The following CTNNA3 variants were observed in gnomAD, a reference collection of about 807,000 sequenced individuals.
CTNNA3 encodes the protein catenin alpha-3.
CTNNA3 carries 76 observed loss-of-function variants against 95.7 expected under a neutral mutation model. That is an observed-to-expected ratio of 0.79 (90% CI 0.66 to 0.96). The LOEUF (loss-of-function observed/expected upper bound fraction) is 0.96, where lower values mean the gene tolerates loss of function less well. Ranked by LOEUF, CTNNA3 falls within the 40% of genes least tolerant of loss-of-function variation. The probability of loss-of-function intolerance (pLI) is 0.00; values close to 1 mark genes in which losing one functional copy is unlikely to be tolerated. For synonymous variants in CTNNA3, 431 were observed against 374.4 expected (o/e 1.15, Z -1.74); for missense variants, 1,191 against 1,089.8 (o/e 1.09, Z -1.31).
At chr10:66,360,035 G>T (rs1202765928) in intron 12 of CTNNA3, among the ~76,000 whole-genome samples, 2 of 151,918 alleles carry the variant, frequency 1.3e-5, no homozygotes, top group Non-Finnish European at 2.9e-5. Context: ...CAGCATGTTG[G>T]TCGGGCTGGT....
intron 2 of CTNNA3, among the ~76,000 whole-genome samples, chr10:67,644,090 A>T (rs1305288970): frequency 6.6e-6 from 1 of 152,142 alleles, no homozygotes; most frequent in Non-Finnish European, 1.5e-5. Flanking sequence ...CTGGTTCTAG[A>T]TCCTTGAGGA....
intron 17 of CTNNA3, among the ~76,000 whole-genome samples, chr10:65,952,960 A>C (rs1012351959): frequency 3.3e-5 from 5 of 152,236 alleles, no homozygotes; most frequent in African/African-American, 1.2e-4. Context: ...TGGTTACATA[A>C]TTAATCAGTC....
intron 10 of CTNNA3, among the ~76,000 whole-genome samples, chr10:66,534,238 G>A (rs1841570247): frequency 1.3e-5 from 2 of 151,954 alleles, no homozygotes; most frequent in African/African-American, 4.8e-5. Context: ...GGTCAGAACA[G>A]GAAAATAAGA....
At chr10:66,519,935 T>A (rs957606442) in intron 11 of CTNNA3, among the ~76,000 whole-genome samples, 2 of 152,102 alleles carry the variant, frequency 1.3e-5, no homozygotes, top group Non-Finnish European at 2.9e-5. Flanking sequence ...AATATGTTTT[T>A]TTCCATGAGG....
At chr10:66,374,849 T>C (rs1455945850) in intron 12 of CTNNA3, among the ~76,000 whole-genome samples, 1 of 151,964 alleles carries the variant, frequency 6.6e-6, no homozygotes, top group Non-Finnish European at 1.5e-5. Context: ...ACTCCTGACC[T>C]CATGATCCTC....
intron 10 of CTNNA3, among the ~76,000 whole-genome samples, chr10:66,539,012 A>C (rs1841754241): frequency 1.3e-5 from 2 of 152,130 alleles, no homozygotes; most frequent in Non-Finnish European, 2.9e-5. Flanking sequence ...GGTGTATGTT[A>C]AATGACTATT....
chr10:66,486,818 T>TACACACAC (rs373131708), intron 11 of CTNNA3, among the ~76,000 whole-genome samples: 80 of 140,888 alleles, frequency 5.7e-4, no homozygotes, highest in East Asian at 2.3e-3. Flanking sequence ...GATGAACAAA[T>TACACACAC]ACACACACAC....
chr10:66,196,884 T>G (rs1201296273), intron 13 of CTNNA3, among the ~76,000 whole-genome samples: 1 of 152,164 alleles, frequency 6.6e-6, no homozygotes, highest in South Asian at 2.1e-4. Flanking sequence ...GGATCCTCCA[T>G]GAGCTAGTGA....
At chr10:66,062,457 T>G (rs551321257) in intron 15 of CTNNA3, among the ~76,000 whole-genome samples, 10 of 152,032 alleles carry the variant, frequency 6.6e-5, no homozygotes, top group African/African-American at 2.4e-4. Flanking sequence ...GCGAAAAACC[T>G]GCAATGAAAG....
At chr10:66,668,927 A>AT (rs1318411774) in intron 9 of CTNNA3, among the ~76,000 whole-genome samples, 2 of 152,142 alleles carry the variant, frequency 1.3e-5, no homozygotes, top group Non-Finnish European at 2.9e-5. Context: ...GACTACTTGG[A>AT]TAAAAACTGG....
chr10:66,874,115 A>G (rs1844518660), intron 7 of CTNNA3, among the ~76,000 whole-genome samples: 1 of 107,124 alleles, frequency 9.3e-6, no homozygotes, highest in Admixed American at 8.9e-5. Flanking sequence ...CTCAAGTCAC[A>G]GTCATTCAAT....
Position 66,645,863 on chromosome 10 carries a change from C to T in CTNNA3, c.1282-24079G>A, listed in dbSNP as rs114388563. 3.8e-3 allele frequency among the ~76,000 whole-genome samples: 579 copies of T among 152,228 alleles called. 5 individuals carry two copies. Among genetic ancestry groups the T allele is most frequent in the African/African-American group, 0.013 (541 of 41,536 alleles). ...AAAATTGTCTTCCATGAAACTGGTC[C>T]CTGGTCCCAAAAAGGTTGGGGATCG... is the stretch of plus-strand genomic sequence containing the variant. On this transcript the variant is annotated intron_variant, in intron 9 of 17. Transcript: ENST00000433211.
At chr10:66,045,312 C>T (rs1048017722) in intron 15 of CTNNA3, among the ~76,000 whole-genome samples, 1 of 152,190 alleles carries the variant, frequency 6.6e-6, no homozygotes, top group Non-Finnish European at 1.5e-5. Context: ...TGCCACAGTG[C>T]TAGGTTTTAT....
At chr10:66,212,594 C>T (rs2088240283) in intron 13 of CTNNA3, among the ~76,000 whole-genome samples, 1 of 152,004 alleles carries the variant, frequency 6.6e-6, no homozygotes, top group African/African-American at 2.4e-5. Flanking sequence ...AGGGCAAATG[C>T]TTTCAGTAGT....
chr10:67,090,443 A>C (rs1252523313), intron 7 of CTNNA3, among the ~76,000 whole-genome samples: 1 of 152,162 alleles, frequency 6.6e-6, no homozygotes, highest in South Asian at 2.1e-4. Context: ...AGAGAATCAG[A>C]TGCCTATATT....
intron 9 of CTNNA3, among the ~76,000 whole-genome samples, chr10:66,716,113 A>G (rs1287653208): frequency 6.6e-6 from 1 of 152,096 alleles, no homozygotes; most frequent in Non-Finnish European, 1.5e-5. Context: ...AGCACACTTC[A>G]TACTTATTTT....
At chr10:66,259,203 G>T (rs1052796440) in intron 13 of CTNNA3, among the ~76,000 whole-genome samples, 1 of 152,092 alleles carries the variant, frequency 6.6e-6, no homozygotes, top group Non-Finnish European at 1.5e-5. Flanking sequence ...CCTCTTAATG[G>T]AATCGTTTCT....
intron 6 of CTNNA3, among the ~76,000 whole-genome samples, chr10:67,211,100 T>A (rs1459055724): frequency 6.6e-6 from 1 of 152,178 alleles, no homozygotes. Flanking sequence ...TTATTTTTAC[T>A]TATTTTCTAG....
intron 9 of CTNNA3, among the ~76,000 whole-genome samples, chr10:66,667,669 TTTTG>T (rs951486724): frequency 6.6e-6 from 1 of 152,168 alleles, no homozygotes; most frequent in African/African-American, 2.4e-5. Context: ...AGATTTAGTC[TTTTG>T]TTTTTCTTTA....
Sources: gnomAD v4.1 joint callset for allele counts (sites outside exome capture counted in the v4.1 genomes callset) on GRCh38, gnomAD v4.1.1 for gene constraint, MANE v1.5 for transcripts, NCBI Gene and HGNC (gene_info 2026-07-23, HGNC 2026-07-21) for gene names.